Variants in TVP23A observed in about 807,000 individuals in gnomAD.
The protein encoded by TVP23A is trans-golgi network vesicle protein 23 homolog A.
In TVP23A, 21 loss-of-function variants were observed where a neutral mutation model predicts 31.7. The observed-to-expected ratio is 0.66, with a 90% CI of 0.47 to 0.95. TVP23A has a LOEUF of 0.95. Ranked by LOEUF, TVP23A falls within the 40% of genes least tolerant of loss-of-function variation. The pLI is 0.00. For synonymous variants in TVP23A, 104 were observed against 96.0 expected (o/e 1.08, Z -0.49); for missense variants, 279 against 255.6 (o/e 1.09, Z -0.62).
rs141378162 is a variant in TVP23A at position 10,783,455 on chromosome 16, C to T, written c.90-8359G>A. ...TTTTGGGAGGCTGAGGTGGGCAGAT[C>T]ACTTGAGACCAAGAGTTCGAGACCA... On this transcript the variant is annotated intron_variant, in intron 2 of 7. Transcript: ENST00000299866. 2.6e-4 allele frequency among the ~76,000 whole-genome samples: 39 copies of T among 152,264 alleles called. No homozygotes were observed. The East Asian group carries it at 6.4e-3, about 25-fold the overall frequency.
Position 10,767,114 on chromosome 16 carries a change from G to A in TVP23A, c.*1988C>T, listed in dbSNP as rs2030996995. ...TCACCTGAGGCTGGTGACCGGCCAT[G>A]GGCAGTGCAGTCACTTGCCTGTTTC... On this transcript the variant is annotated 3_prime_UTR_variant, in exon 8 of 8. Transcript: ENST00000299866. The surrounding 1 kb of genome is among the most constrained non-coding windows in gnomAD (Gnocchi z 4.6). 5.0e-6 allele frequency: 2 copies of A among 398,856 alleles called. No individual in the cohort carries two copies. Among genetic ancestry groups the A allele is most frequent in the Admixed American group, 4.4e-5 (1 of 22,722 alleles). The allele number at this position is 398,856 out of a possible 1,614,324, so 24.7% of individuals were successfully genotyped here. A position where few individuals can be genotyped will look rare whatever the true frequency, so the allele number is the denominator to read the frequency against.
chr16:10,769,346 A>G (rs181737616), intron 7 of TVP23A: 1 of 442,484 alleles, frequency 2.3e-6, no homozygotes, highest in Non-Finnish European at 4.0e-6. Flanking sequence ...AACCCCCTCA[A>G]ATCTCTCCCC....
Position 10,804,418 on chromosome 16 carries a change from C to A in TVP23A, c.89+13685G>T, listed in dbSNP as rs568757790. On this transcript the variant is annotated intron_variant, in intron 2 of 7. Transcript: ENST00000299866. ...CTCACCCACAGGCAACTCCTGGCAACTCCAGACCATTCTTCTGGCTCTAAC... is the reference window on the plus strand; with the variant it reads ...CTCACCCACAGGCAACTCCTGGCAAATCCAGACCATTCTTCTGGCTCTAAC... Among the ~76,000 whole-genome samples the A allele has an allele frequency of 5.9e-5, 9 of 152,346 alleles. 1 individual carries two copies. In the South Asian group the frequency reaches 1.9e-3, roughly 32 times the overall value.
chr16:10,809,240 CAGA>C lies in TVP23A; in HGVS notation c.89+8860_89+8862del, dbSNP rs2034083735. Among the ~76,000 whole-genome samples the C allele has an allele frequency of 2.0e-5, 3 of 152,316 alleles. No individual in the cohort carries two copies. The South Asian group carries it at 6.2e-4, about 32-fold the overall frequency. On this transcript the variant is annotated intron_variant, in intron 2 of 7. Coordinates refer to ENST00000299866, the MANE Select transcript of TVP23A (RefSeq NM_001079512.4). ...TTTACAGAAAAGAAAAGTGGGTACCCAGAAGGTGTCATGGTCACTGTTCAAGTT... is the reference window on the plus strand; with the variant it reads ...TTTACAGAAAAGAAAAGTGGGTACCCAGGTGTCATGGTCACTGTTCAAGTT...
At chr16:10,796,599 ATAT>A (rs1224496118) in intron 2 of TVP23A, among the ~76,000 whole-genome samples, 1 of 151,632 alleles carries the variant, frequency 6.6e-6, no homozygotes, top group African/African-American at 2.4e-5. Flanking sequence ...TGCCCAGCTA[ATAT>A]TTTTTTTTTG....
rs77016634 is a variant in TVP23A, at chr16:10,775,082, G to T, written c.104C>A (p.Thr35Asn). 1.9e-6 allele frequency: 3 copies of T among 1,609,200 alleles called. No individual in the cohort carries two copies. In the African/African-American group the frequency reaches 4.0e-5, roughly 21 times the overall value. The change falls in exon 3 of 8, where the codon ACC becomes AAC. Residue 35 changes from threonine to asparagine, a missense_variant. Physicochemically the swap from Thr to Asn is moderately conservative, Grantham distance 65. Transcript: ENST00000299866. Reference sequence around the variant, plus strand: ...CACTCGGAAAAACAGGTGGAAAAAGGTGGCCAAGGGGTGTCTAGGAAAGGA... The same window carrying T: ...CACTCGGAAAAACAGGTGGAAAAAGTTGGCCAAGGGGTGTCTAGGAAAGGA... ...RKAKIRHPLA[T>N]FFHLFFRVSA... is the part of the protein sequence containing the mutation.
chr16:10,776,753 C>T (rs2032052702), intron 2 of TVP23A, among the ~76,000 whole-genome samples: 1 of 152,082 alleles, frequency 6.6e-6, no homozygotes. Flanking sequence ...TGCTGGTTGC[C>T]CATTTTTATG....
intron 2 of TVP23A, among the ~76,000 whole-genome samples, chr16:10,805,307 C>G: frequency 6.6e-6 from 1 of 152,040 alleles, no homozygotes. Context: ...GCTGGGATTA[C>G]AGGTGTGAGC....
At chr16:10,803,164 A>G (rs914865090) in intron 2 of TVP23A, among the ~76,000 whole-genome samples, 2 of 151,658 alleles carry the variant, frequency 1.3e-5, no homozygotes, top group African/African-American at 4.9e-5. Flanking sequence ...GGTGCCTGTA[A>G]TGCCAGCTAC....
chr16:10,775,324 T>G, intron 2 of TVP23A: 2 of 1,358,700 alleles, frequency 1.5e-6, no homozygotes. Context: ...CTTCGAAGAA[T>G]CCAGTACTTT....
At chr16:10,806,852 A>G (rs1416313731) in intron 2 of TVP23A, among the ~76,000 whole-genome samples, 1 of 152,202 alleles carries the variant, frequency 6.6e-6, no homozygotes, top group Non-Finnish European at 1.5e-5. Flanking sequence ...TCATGTGAAC[A>G]AGAAATATAA....
rs1204280143 is a variant in TVP23A, at chr16:10,774,286, C to A, written c.235-158G>T. ...AGTGGATTCTCAGATGTCAAGACTT[C>A]TAGTTTTCAACTAAGCTTACTTTAA... On this transcript the variant is annotated intron_variant, in intron 3 of 7. Transcript: ENST00000299866. 2.0e-5 allele frequency among the ~76,000 whole-genome samples: 3 copies of A among 152,310 alleles called. No homozygotes were observed. In the East Asian group the frequency reaches 5.8e-4, roughly 29 times the overall value.
chr16:10,813,512 G>A (rs1291656933), intron 2 of TVP23A, among the ~76,000 whole-genome samples: 1 of 152,192 alleles, frequency 6.6e-6, no homozygotes, highest in East Asian at 1.9e-4. Flanking sequence ...GGGAAGATGA[G>A]GCAGAGAGAT....
intron 2 of TVP23A, among the ~76,000 whole-genome samples, chr16:10,797,608 A>G (rs1020736762): frequency 6.6e-6 from 1 of 152,066 alleles, no homozygotes; most frequent in Non-Finnish European, 1.5e-5. Flanking sequence ...GTGCGCACCT[A>G]TAATCTCAAC....
intron 2 of TVP23A, among the ~76,000 whole-genome samples, chr16:10,811,375 C>A (rs1270676071): frequency 6.6e-6 from 1 of 152,114 alleles, no homozygotes; most frequent in African/African-American, 2.4e-5. Context: ...CTCAAGCAAT[C>A]TTCCTACCTC....
At chr16:10,794,625 A>G (rs2033285541) in intron 2 of TVP23A, among the ~76,000 whole-genome samples, 1 of 152,070 alleles carries the variant, frequency 6.6e-6, no homozygotes, top group Non-Finnish European at 1.5e-5. Context: ...AGCTTCCCCG[A>G]GTGGGAGTAA....
chr16:10,812,809 C>A lies in TVP23A; in HGVS notation c.89+5294G>T, dbSNP rs183862269. On this transcript the variant is annotated intron_variant, in intron 2 of 7. Coordinates refer to ENST00000299866, the MANE Select transcript of TVP23A (RefSeq NM_001079512.4). ...AAGATGAAAACACTCTGTTTCACAACGTGACTATACTTGAACTACTAAACT... is the reference window on the plus strand; with the variant it reads ...AAGATGAAAACACTCTGTTTCACAAAGTGACTATACTTGAACTACTAAACT... Among the ~76,000 whole-genome samples, 67 of 151,700 alleles carry A rather than the reference C, an allele frequency of 4.4e-4. No homozygotes were observed. In the East Asian group the frequency reaches 6.4e-3, roughly 14 times the overall value.
rs976650511 is a variant in TVP23A, at chr16:10,779,687, A to G, written c.90-4591T>C. On this transcript the variant is annotated intron_variant, in intron 2 of 7. Transcript: ENST00000299866. The surrounding 1 kb of genome is among the most constrained non-coding windows in gnomAD (Gnocchi z 4.9). ...AGTTTTTATTTCTGTAGCCAGTTAC[A>G]GGGAGAAGACCTAGAAAATATCGCC... is the stretch of plus-strand genomic sequence containing the variant. Among the ~76,000 whole-genome samples, 1 of 152,264 alleles carries G rather than the reference A, an allele frequency of 6.6e-6. No homozygotes were observed. Among genetic ancestry groups the G allele is most frequent in the African/African-American group, 2.4e-5 (1 of 41,480 alleles).
At chr16:10,793,066 A>G (rs1317126980) in intron 2 of TVP23A, among the ~76,000 whole-genome samples, 2 of 152,128 alleles carry the variant, frequency 1.3e-5, no homozygotes, top group Non-Finnish European at 1.5e-5. Context: ...AGGTGGGTGG[A>G]TCACTTGAGG....
Sources: gnomAD v4.1 joint callset for allele counts (sites outside exome capture counted in the v4.1 genomes callset) on GRCh38, gnomAD v4.1.1 for gene constraint, Gnocchi (gnomAD v3.1) non-coding constraint, MANE v1.5 for transcripts, NCBI Gene and HGNC (gene_info 2026-07-23, HGNC 2026-07-21) for gene names.